Variants in NELL1 observed in about 807,000 individuals in gnomAD.
NELL1 encodes the protein neural EGFL like 1.
In NELL1, 76 loss-of-function variants were observed where a neutral mutation model predicts 107.4. The observed-to-expected ratio is 0.71, with a 90% confidence interval of 0.59 to 0.86. NELL1 has a LOEUF of 0.86. Among genes scored for constraint, NELL1 ranks in the 40% least tolerant of loss-of-function variants. NELL1 has a pLI of 0.00. For missense variants in NELL1, 1,024 were observed against 1,005.5 expected (o/e 1.02, Z -0.25); for synonymous variants, 353 against 341.2 (o/e 1.03, Z -0.38).
chr11:21,503,498 T>C (rs1855202145), intron 15 of NELL1, among the ~76,000 whole-genome samples: 1 of 152,228 alleles, frequency 6.6e-6, no homozygotes, highest in Admixed American at 6.5e-5. Context: ...CTTGGGCAAG[T>C]TCTCCTATCT....
In NELL1 at chr11:20,965,082, A is replaced by G. The variant is rs1224777509; in HGVS notation, c.1300+4522A>G. ...TGGGTTCAGAAGGATACCAAAATTC[A>G]GAGCTAACAACTGAAAGCAGTTTTT... On this transcript the variant is annotated intron_variant, in intron 12 of 19. Coordinates refer to ENST00000357134, the MANE Select transcript of NELL1 (RefSeq NM_006157.5). Among the ~76,000 whole-genome samples, 7 of 152,324 alleles carry G rather than the reference A, an allele frequency of 4.6e-5. No homozygotes were observed. In the East Asian group the frequency reaches 1.4e-3, roughly 29 times the overall value.
At chr11:20,796,053 C>T (rs778000227) in intron 3 of NELL1, among the ~76,000 whole-genome samples, 12 of 152,114 alleles carry the variant, frequency 7.9e-5, no homozygotes, top group Admixed American at 3.3e-4. Context: ...TCTCGTATAT[C>T]AAGGCTCTCA....
At chr11:21,432,769 G>T (rs867414820) in intron 15 of NELL1, among the ~76,000 whole-genome samples, 5 of 152,076 alleles carry the variant, frequency 3.3e-5, no homozygotes, top group African/African-American at 4.8e-5. Context: ...ATGGTATATA[G>T]AGAGATATTT....
chr11:21,337,760 C>CTTTCT (rs1555006119), intron 14 of NELL1, among the ~76,000 whole-genome samples: 1 of 142,330 alleles, frequency 7.0e-6, no homozygotes, highest in Non-Finnish European at 1.5e-5. Context: ...TTCTTTCTTT[C>CTTTCT]TTTCTTTCTT....
chr11:21,515,799 A>G (rs574860402), intron 15 of NELL1, among the ~76,000 whole-genome samples: 69 of 152,190 alleles, frequency 4.5e-4, no homozygotes, highest in Non-Finnish European at 7.3e-4. Context: ...AAGCCAGAAC[A>G]TTGTCTAGAG....
At chr11:20,927,552 A>G in intron 8 of NELL1, 110 bp downstream of exon 8, 1 of 1,119,488 alleles carries the variant, frequency 8.9e-7, no homozygotes. Context: ...GAGAATTGTT[A>G]GGTTTTTACC....
chr11:20,715,345 T>G (rs1470342528), intron 2 of NELL1, among the ~76,000 whole-genome samples: 1 of 151,754 alleles, frequency 6.6e-6, no homozygotes, highest in Non-Finnish European at 1.5e-5. Flanking sequence ...TACCTAAAAT[T>G]TATAATTTAA....
intron 15 of NELL1, among the ~76,000 whole-genome samples, chr11:21,446,218 C>T (rs145501861): frequency 5.2e-4 from 79 of 152,062 alleles, no homozygotes; most frequent in African/African-American, 1.8e-3. Context: ...TATTTGTTTA[C>T]TTTATATGAT....
chr11:20,886,155 G>T (rs192391463), intron 5 of NELL1, among the ~76,000 whole-genome samples: 4 of 152,050 alleles, frequency 2.6e-5, no homozygotes, highest in African/African-American at 9.7e-5. Context: ...TTGGTACCAT[G>T]CTCACTACCT....
At chr11:21,068,571 A>G (rs1853935856) in intron 12 of NELL1, among the ~76,000 whole-genome samples, 1 of 152,222 alleles carries the variant, frequency 6.6e-6, no homozygotes, top group South Asian at 2.1e-4. Context: ...TTTGCCCTTC[A>G]ACACACACAT....
intron 2 of NELL1, among the ~76,000 whole-genome samples, chr11:20,699,633 C>T (rs1854719940): frequency 6.6e-6 from 1 of 152,192 alleles, no homozygotes; most frequent in African/African-American, 2.4e-5. Flanking sequence ...GCTGGGATTA[C>T]AGGCGTGAGC....
chr11:21,043,751 A>G (rs578245398), intron 12 of NELL1, among the ~76,000 whole-genome samples: 55 of 152,134 alleles, frequency 3.6e-4, no homozygotes, highest in Non-Finnish European at 6.8e-4. Flanking sequence ...AGTTTGAGAT[A>G]TATTTATTGA....
intron 14 of NELL1, among the ~76,000 whole-genome samples, chr11:21,230,529 A>G (rs1472582400): frequency 2.0e-5 from 3 of 152,222 alleles, no homozygotes; most frequent in Admixed American, 2.0e-4. Context: ...AACAAAAGAC[A>G]TCCTATGAGG....
intron 13 of NELL1, among the ~76,000 whole-genome samples, chr11:21,171,577 C>G (rs7944211): frequency 0.73 from 110,814 of 151,666 alleles, 40,771 homozygotes; most frequent in Admixed American, 0.8. Flanking sequence ...GCTTACAACT[C>G]TCAGACAACT....
At chr11:20,866,366 G>T (rs1849096277) in intron 4 of NELL1, among the ~76,000 whole-genome samples, 1 of 152,192 alleles carries the variant, frequency 6.6e-6, no homozygotes, top group Admixed American at 6.5e-5. Flanking sequence ...AACTCATCTG[G>T]AAAACAGATG....
At chr11:21,339,670 C>T (rs1850517589) in intron 14 of NELL1, among the ~76,000 whole-genome samples, 1 of 152,196 alleles carries the variant, frequency 6.6e-6, no homozygotes, top group African/African-American at 2.4e-5. Flanking sequence ...GCTCTGTTTC[C>T]TGGCTGGAAC....
chr11:20,804,213 A>G (rs1423652186), intron 3 of NELL1, among the ~76,000 whole-genome samples: 1 of 152,034 alleles, frequency 6.6e-6, no homozygotes, highest in Non-Finnish European at 1.5e-5. Flanking sequence ...TTTGTTTCAA[A>G]AATTTTTTTC....
chr11:21,303,939 A>T (rs1361878922), intron 14 of NELL1, among the ~76,000 whole-genome samples: 1 of 151,988 alleles, frequency 6.6e-6, no homozygotes, highest in East Asian at 1.9e-4. Context: ...GTGGAAGGCA[A>T]AAGGGCAAAA....
At chr11:21,470,480 T>G (rs1312539742) in intron 15 of NELL1, among the ~76,000 whole-genome samples, 1 of 152,122 alleles carries the variant, frequency 6.6e-6, no homozygotes, top group Non-Finnish European at 1.5e-5. Flanking sequence ...ATGCCTGATA[T>G]GTACATGTTC....
Sources: allele counts gnomAD v4.1 joint callset (sites outside exome capture counted in the v4.1 genomes callset), GRCh38; gene constraint gnomAD v4.1.1; transcripts MANE v1.5; gene names NCBI Gene and HGNC (gene_info 2026-07-23, HGNC 2026-07-21).